The following DOCK5 variants were observed in gnomAD, a reference collection of about 807,000 sequenced individuals.
DOCK5 encodes the protein dedicator of cytokinesis 5.
Under a neutral mutation model 251.8 loss-of-function variants are expected in DOCK5, and 142 were observed. That is an observed-to-expected ratio of 0.56 (90% CI 0.49 to 0.65). The LOEUF (loss-of-function observed/expected upper bound fraction) is 0.65, where lower values mean the gene tolerates loss of function less well. DOCK5 is among the 30% of genes least tolerant of loss of function. The pLI is 0.00. For missense variants in DOCK5, 2,111 were observed against 2,312.3 expected, an observed-to-expected ratio of 0.91 and a Z score of 1.79; for synonymous variants, 842 against 835.5, an observed-to-expected ratio of 1.01 and a Z score of -0.13.
At chr8:25,198,715 GA>G (rs1801796835) in intron 1 of DOCK5, among the ~76,000 whole-genome samples, 1 of 152,058 alleles carries the variant, frequency 6.6e-6, no homozygotes, top group Non-Finnish European at 1.5e-5. Flanking sequence ...TTTATCAGAA[GA>G]AAAAAAGCCC....
intron 27 of DOCK5, among the ~76,000 whole-genome samples, chr8:25,358,286 G>T (rs1287830929): frequency 6.6e-6 from 1 of 152,130 alleles, no homozygotes; most frequent in Non-Finnish European, 1.5e-5. Context: ...GCAGCAAGAA[G>T]TGCCAAGCAA....
intron 50 of DOCK5, 63 bp from the exon 51 acceptor site, chr8:25,410,036 C>T (rs1801591935): frequency 7.1e-7 from 1 of 1,408,592 alleles, no homozygotes; most frequent in Non-Finnish European, 9.8e-7. Context: ...GTGCCAGCAA[C>T]ATTTCCATGA....
chr8:25,404,522 C>G (rs1801492279), intron 48 of DOCK5, among the ~76,000 whole-genome samples: 1 of 152,118 alleles, frequency 6.6e-6, no homozygotes, highest in South Asian at 2.1e-4. Flanking sequence ...TAAGCATTTC[C>G]TTTGAGCGTC....
At chr8:25,317,306 G>A in intron 14 of DOCK5, 175 bp downstream of exon 14, 1 of 871,364 alleles carries the variant, frequency 1.1e-6, no homozygotes, top group Non-Finnish European at 1.7e-6. Context: ...CACTAAGGAA[G>A]CTATCTAGAC....
chr8:25,321,573 C>A (rs748033969), intron 16 of DOCK5, among the ~76,000 whole-genome samples: 1 of 152,132 alleles, frequency 6.6e-6, no homozygotes, highest in Admixed American at 6.6e-5. Flanking sequence ...CTTGCATGCA[C>A]AGGTCACAAT....
chr8:25,320,072 A>G (rs1203198630), intron 15 of DOCK5, among the ~76,000 whole-genome samples: 5 of 152,188 alleles, frequency 3.3e-5, no homozygotes, highest in Admixed American at 3.3e-4. Context: ...CAGATCAGTC[A>G]TCTCCTTTGA....
chr8:25,392,826 A>G lies in DOCK5; in HGVS notation c.4471A>G (p.Thr1491Ala). ...GTGGATTGAACGGACCACGTATACG[A>G]CTGCATATACCTTTCCTGGGATTCT... The part of the protein sequence containing the change: ...TMWIERTTYT[T>A]AYTFPGILKW... Residue 1491 changes from threonine to alanine, a missense_variant, in exon 44 of 52, where the codon ACT (threonine) becomes GCT (alanine). Thr to Ala is a moderately conservative substitution (Grantham distance 58). This residue lies in a region of DOCK5 where 1,717 missense variants were observed against 1,892.4 expected (regional missense o/e 0.91). Coordinates refer to ENST00000276440, the MANE Select transcript of DOCK5 (RefSeq NM_024940.8). 1.2e-6 allele frequency: 2 copies of G among 1,613,262 alleles called. No individual in the cohort carries two copies. The highest frequency in any genetic ancestry group is 8.5e-7 in the Non-Finnish European group (1 of 1,179,628).
intron 46 of DOCK5, 51 bp from the exon 47 acceptor site, chr8:25,400,878 C>T (rs1047971259): frequency 1.7e-5 from 27 of 1,600,628 alleles, no homozygotes; most frequent in South Asian, 4.4e-5. Context: ...CAAATCAAAA[C>T]GATCCCTCTT....
chr8:25,357,302 A>G (rs1174678286), intron 27 of DOCK5, among the ~76,000 whole-genome samples: 1 of 151,028 alleles, frequency 6.6e-6, no homozygotes, highest in Non-Finnish European at 1.5e-5. Flanking sequence ...CTATATGATA[A>G]TTTGGCAATA....
In DOCK5 at chr8:25,243,742, C is replaced by G. The variant is rs766975337; in HGVS notation, c.112C>G (p.Leu38Val). The G allele has an allele frequency of 6.2e-7, 1 of 1,613,558 alleles. No homozygotes were observed. Among genetic ancestry groups the G allele is most frequent in the Admixed American group, 1.7e-5 (1 of 59,982 alleles). ...SLQIGDTVHI[L>V]EMYEGWYRGY... ...GCAGATCGGTGACACAGTTCACATC[C>G]TGGAGATGTACGAGGGTAAGTCTGG... Residue 38 changes from leucine (L) to valine (V), a missense_variant, in exon 2 of 52, where the codon CTG becomes GTG. Leu to Val is a conservative substitution (Grantham distance 32, BLOSUM62 1). This residue lies in a region of DOCK5 where 335 missense variants were observed against 324.9 expected (regional missense o/e 1.03). Coordinates refer to ENST00000276440, the MANE Select transcript of DOCK5 (RefSeq NM_024940.8).
chr8:25,344,537 C>G (rs556392792), intron 25 of DOCK5, among the ~76,000 whole-genome samples: 2 of 152,210 alleles, frequency 1.3e-5, no homozygotes, highest in Non-Finnish European at 2.9e-5. Flanking sequence ...GTGGCCTTCT[C>G]TAAGTCTCAG....
intron 50 of DOCK5, among the ~76,000 whole-genome samples, chr8:25,409,206 A>G (rs1046429600): frequency 3.3e-5 from 5 of 152,212 alleles, no homozygotes; most frequent in Admixed American, 3.3e-4. Context: ...CTGCACTAGG[A>G]CTAGACAGAT....
At chr8:25,225,765 G>T (rs1802516594) in intron 1 of DOCK5, among the ~76,000 whole-genome samples, 1 of 151,764 alleles carries the variant, frequency 6.6e-6, no homozygotes, top group African/African-American at 2.4e-5. Flanking sequence ...CCTTGAGGAC[G>T]TTATGCTAAG....
At position 25,303,417 on chromosome 8, in the gene DOCK5, G is replaced by A. The variant is rs550330194; in HGVS notation, c.977-838G>A. On this transcript the variant is annotated intron_variant, in intron 10 of 51. Transcript: ENST00000276440. The stretch of plus-strand genomic sequence containing the variant: ...TGCCGGTCTAGGAAATTTACTCTTC[G>A]AAGACAATGTTGTGTTTGTTTCTAA... Among the ~76,000 whole-genome samples the A allele has an allele frequency of 6.6e-5, 10 of 152,242 alleles. No individual in the cohort carries two copies. The East Asian group carries it at 7.7e-4, about 12-fold the overall frequency.
intron 1 of DOCK5, among the ~76,000 whole-genome samples, chr8:25,222,696 T>G (rs1802426069): frequency 6.6e-6 from 1 of 152,196 alleles, no homozygotes; most frequent in South Asian, 2.1e-4. Context: ...CTCGCCTCCA[T>G]CAGGGGCTCC....
At chr8:25,380,872 G>A (rs150896938) in intron 39 of DOCK5, among the ~76,000 whole-genome samples, 3,004 of 149,576 alleles carry the variant, frequency 0.02, 95 homozygotes, top group African/African-American at 0.07. Context: ...CCACCATTCC[G>A]AATGCCCAGT....
intron 1 of DOCK5, among the ~76,000 whole-genome samples, chr8:25,239,319 ATGTGTGTGTG>A (rs746237389): frequency 1.5e-5 from 2 of 130,980 alleles, no homozygotes; most frequent in South Asian, 2.5e-4. Flanking sequence ...GTGCGTGTAT[ATGTGTGTGTG>A]TGTGTGTGTG....
At chr8:25,296,126 G>A (rs1287128993) in intron 6 of DOCK5, among the ~76,000 whole-genome samples, 3 of 152,134 alleles carry the variant, frequency 2.0e-5, no homozygotes, top group Non-Finnish European at 4.4e-5. Flanking sequence ...GGCAAAGGAG[G>A]TGTTTATTAA....
intron 22 of DOCK5, among the ~76,000 whole-genome samples, chr8:25,336,822 C>G (rs1473732487): frequency 2.0e-5 from 3 of 152,130 alleles, no homozygotes; most frequent in Admixed American, 1.3e-4. Flanking sequence ...GTTTGGATTT[C>G]TAGCATAACA....
Sources: gnomAD v4.1 joint callset for allele counts (sites outside exome capture counted in the v4.1 genomes callset) on GRCh38, gnomAD v4.1.1 for gene constraint, gnomAD v4.1.1 regional missense constraint, MANE v1.5 for transcripts, NCBI Gene and HGNC (gene_info 2026-07-23, HGNC 2026-07-21) for gene names.